The following COL22A1 variants were observed in gnomAD, a reference collection of about 807,000 sequenced individuals.
The protein encoded by COL22A1 is collagen alpha-1(XXII) chain.
Under a neutral mutation model 248.9 loss-of-function variants are expected in COL22A1, and 221 were observed. That is an observed-to-expected ratio of 0.89 (90% CI 0.80 to 0.99). COL22A1 has a LOEUF of 0.99. Among genes scored for constraint, COL22A1 ranks in the 50% least tolerant of loss-of-function variants. The pLI is 0.00. For synonymous variants in COL22A1, 891 were observed against 793.4 expected, an observed-to-expected ratio of 1.12 and a Z score of -2.07; for missense variants, 2,240 against 2,179.0, an observed-to-expected ratio of 1.03 and a Z score of -0.56.
rs958666895 is a variant in COL22A1 at position 138,589,257 on chromosome 8, G to A, written c.4877C>T (p.Pro1626Leu). Reference sequence around the variant, plus strand: ...CTTCTGGCTTTCCAGAGTCCTTTAGGGACCCTTCACATTACCCGGCCGGGC... The same window carrying A: ...CTTCTGGCTTTCCAGAGTCCTTTAGAGACCCTTCACATTACCCGGCCGGGC... ...LAARPGNVKG[P>L] Residue 1626 changes from proline to leucine, a missense_variant, in exon 65 of 65, where the codon CCC becomes CTC. Physicochemically the swap from Pro to Leu is moderately conservative, Grantham distance 98 (BLOSUM62 -3). Coordinates refer to ENST00000303045, the MANE Select transcript of COL22A1 (RefSeq NM_152888.3). The A allele has an allele frequency of 1.2e-6, 2 of 1,613,534 alleles. No homozygotes were observed. Among genetic ancestry groups the A allele is most frequent in the Admixed American group, 1.7e-5 (1 of 59,944 alleles).
At chr8:138,719,310 T>C (rs188317321) in intron 27 of COL22A1, among the ~76,000 whole-genome samples, 119 of 152,244 alleles carry the variant, frequency 7.8e-4, no homozygotes, top group Admixed American at 2.4e-3. Context: ...GGGATCGGTG[T>C]AGACATATAT....
At chr8:138,680,359 G>A (rs577908268) in intron 39 of COL22A1, among the ~76,000 whole-genome samples, 4 of 152,288 alleles carry the variant, frequency 2.6e-5, no homozygotes, top group Non-Finnish European at 5.9e-5. Flanking sequence ...CTGAGGCTCA[G>A]AGAGACAAAG....
At chr8:138,770,841 AGAGGTGCGG>A (rs371534992) in intron 16 of COL22A1, among the ~76,000 whole-genome samples, 28 of 152,290 alleles carry the variant, frequency 1.8e-4, no homozygotes, top group African/African-American at 6.7e-4. Context: ...GCTGACCTTC[AGAGGTGCGG>A]GCTCATCCTC....
chr8:138,811,397 G>A (rs1307084308), intron 9 of COL22A1, among the ~76,000 whole-genome samples: 1 of 151,550 alleles, frequency 6.6e-6, no homozygotes, highest in Non-Finnish European at 1.5e-5. Context: ...ATGAATGATA[G>A]TGAATGGTTA....
At chr8:138,849,785 A>T (rs1192815866) in intron 3 of COL22A1, among the ~76,000 whole-genome samples, 2 of 152,208 alleles carry the variant, frequency 1.3e-5, no homozygotes, top group Non-Finnish European at 2.9e-5. Context: ...AATTTACCCA[A>T]CATCACACAG....
chr8:138,615,878 T>A (rs1819274644), intron 55 of COL22A1, 123 bp downstream of exon 55: 1 of 694,650 alleles, frequency 1.4e-6, no homozygotes, highest in Admixed American at 2.5e-5. Context: ...AATCCTGTGA[T>A]GTCATCTGTG....
chr8:138,901,364 T>TG (rs1554660876), intron 1 of COL22A1, among the ~76,000 whole-genome samples: 1 of 93,940 alleles, frequency 1.1e-5, no homozygotes, highest in Admixed American at 1.4e-4. Flanking sequence ...GCAGGTTTTT[T>TG]TTTTGTTTTT....
At chr8:138,693,859 T>A (rs1261196942) in intron 34 of COL22A1, among the ~76,000 whole-genome samples, 160 bp from the exon 35 acceptor site, 1 of 152,142 alleles carries the variant, frequency 6.6e-6, no homozygotes, top group Non-Finnish European at 1.5e-5. Flanking sequence ...AATCACTACT[T>A]TCTGGCCCTC....
At chr8:138,747,828 G>A (rs1158107334) in intron 22 of COL22A1, among the ~76,000 whole-genome samples, 1 of 152,154 alleles carries the variant, frequency 6.6e-6, no homozygotes, top group Non-Finnish European at 1.5e-5. Context: ...AAAGGGGCAG[G>A]AGGGAATAAA....
intron 1 of COL22A1, among the ~76,000 whole-genome samples, 176 bp downstream of exon 1, chr8:138,913,443 T>C (rs1285121299): frequency 6.6e-6 from 1 of 152,164 alleles, no homozygotes. Flanking sequence ...AGTCACTCCC[T>C]AAAGAGCGAA....
intron 9 of COL22A1, among the ~76,000 whole-genome samples, chr8:138,809,199 C>T (rs1817974218): frequency 6.6e-6 from 1 of 152,178 alleles, no homozygotes; most frequent in East Asian, 1.9e-4. Flanking sequence ...TCTCACCCCC[C>T]TGTGCTTGGG....
rs750302307 is a variant in COL22A1 at position 138,685,330 on chromosome 8, C to A, written c.2863-18G>T. On this transcript the variant is annotated intron_variant, in intron 37 of 64. Transcript: ENST00000303045. ...GCTGCACCCTGGAAAGAAAAGTAGA[C>A]ATTTCCCAGGGTCAATTACACTCAG... 2.5e-6 allele frequency: 4 copies of A among 1,603,898 alleles called. No individual in the cohort carries two copies. The East Asian group carries it at 8.9e-5, about 36-fold the overall frequency.
chr8:138,812,185 CT>C (rs1354255238), intron 8 of COL22A1, among the ~76,000 whole-genome samples: 1 of 152,226 alleles, frequency 6.6e-6, no homozygotes. Flanking sequence ...CTATTCTCAC[CT>C]CCTCCTTTTC....
Position 138,878,024 on chromosome 8 carries a change from G to A in COL22A1, c.384C>T (p.Ser128=), listed in dbSNP as rs765595217. Residue 128 remains serine, a synonymous_variant, in exon 3 of 65, where the codon AGC becomes AGT. Coordinates refer to ENST00000303045, the MANE Select transcript of COL22A1 (RefSeq NM_152888.3). ...GDALRYITAR[S]FSPHAGGRPR... is the part of the protein sequence containing the mutation. ...GGCGGCCGCCGGCGTGTGGGGAGAAGCTGCGGGCCGTGATGTAGCGGAGCG... is the reference window on the plus strand; with the variant it reads ...GGCGGCCGCCGGCGTGTGGGGAGAAACTGCGGGCCGTGATGTAGCGGAGCG... 6.3e-7 allele frequency: 1 copy of A among 1,590,134 alleles called. No individual in the cohort carries two copies. Among genetic ancestry groups the A allele is most frequent in the Non-Finnish European group, 8.6e-7 (1 of 1,168,638 alleles).
intron 41 of COL22A1, among the ~76,000 whole-genome samples, chr8:138,672,440 A>C (rs562122580): frequency 6.9e-4 from 105 of 152,210 alleles, no homozygotes; most frequent in African/African-American, 2.4e-3. Flanking sequence ...TGAAAAAAAA[A>C]CTGTTCTGTT....
intron 4 of COL22A1, among the ~76,000 whole-genome samples, chr8:138,834,701 T>G (rs1000256918): frequency 4.6e-5 from 7 of 152,256 alleles, no homozygotes; most frequent in African/African-American, 1.7e-4. Context: ...TGATACAAAG[T>G]TCTTCATACA....
intron 63 of COL22A1, among the ~76,000 whole-genome samples, chr8:138,593,577 T>C (rs756444121): frequency 1.3e-5 from 2 of 152,178 alleles, no homozygotes; most frequent in African/African-American, 2.4e-5. Context: ...AGAGACCTTC[T>C]GTTGGCTGGA....
intron 41 of COL22A1, among the ~76,000 whole-genome samples, chr8:138,672,455 C>T (rs751518360): frequency 3.3e-5 from 5 of 152,096 alleles, no homozygotes; most frequent in Non-Finnish European, 5.9e-5. Context: ...TCTGTTAGGG[C>T]ACTTGAGATA....
At chr8:138,852,077 G>A (rs1218080467) in intron 3 of COL22A1, among the ~76,000 whole-genome samples, 3 of 152,092 alleles carry the variant, frequency 2.0e-5, no homozygotes, top group East Asian at 3.9e-4. Context: ...GGGAGGTCTG[G>A]GAAAGGACCT....
Sources: allele counts gnomAD v4.1 joint callset (sites outside exome capture counted in the v4.1 genomes callset), GRCh38; gene constraint gnomAD v4.1.1; transcripts MANE v1.5; gene names NCBI Gene and HGNC (gene_info 2026-07-23, HGNC 2026-07-21).